The following MACROD2 variants were observed in gnomAD, a reference collection of about 807,000 sequenced individuals.
MACROD2 encodes the protein mono-ADP ribosylhydrolase 2.
In MACROD2, 36 loss-of-function variants were observed where a neutral mutation model predicts 70.4. The observed-to-expected ratio is 0.51, with a 90% CI of 0.39 to 0.68. The LOEUF (loss-of-function observed/expected upper bound fraction) is 0.68, where lower values mean the gene tolerates loss of function less well. MACROD2 is among the 30% of genes least tolerant of loss of function. MACROD2 has a pLI of 0.00. For missense variants in MACROD2, 496 were observed against 538.4 expected, an observed-to-expected ratio of 0.92 and a Z score of 0.78; for synonymous variants, 172 against 178.8, an observed-to-expected ratio of 0.96 and a Z score of 0.30.
intron 5 of MACROD2, among the ~76,000 whole-genome samples, chr20:15,148,096 T>C (rs1601140300): frequency 6.6e-6 from 1 of 151,706 alleles, no homozygotes; most frequent in East Asian, 1.9e-4. Context: ...AGTGGTAAAG[T>C]GTTGGGATGG....
intron 3 of MACROD2, among the ~76,000 whole-genome samples, chr20:14,481,698 T>C (rs772090614): frequency 2.0e-5 from 3 of 152,156 alleles, no homozygotes; most frequent in Non-Finnish European, 4.4e-5. Context: ...GAACATTTGT[T>C]TGATGTTGGG....
At chr20:15,279,993 A>G (rs1484964012) in intron 6 of MACROD2, among the ~76,000 whole-genome samples, 1 of 152,236 alleles carries the variant, frequency 6.6e-6, no homozygotes, top group Non-Finnish European at 1.5e-5. Context: ...TAGCAGAGAA[A>G]AGACTCCACA....
Position 14,120,851 on chromosome 20 carries a change from G to A in MACROD2, c.271+35123G>A, listed in dbSNP as rs114919258. ...CACATGTTCTCACTCATAATGAGTT[G>A]AACAATGAGAACACATGGCCACCGA... is the stretch of plus-strand genomic sequence containing the variant. On this transcript the variant is annotated intron_variant, in intron 3 of 17. Coordinates refer to ENST00000684519, the MANE Select transcript of MACROD2 (RefSeq NM_001351661.2). Among the ~76,000 whole-genome samples, 332 of 150,172 alleles carry A rather than the reference G, an allele frequency of 2.2e-3. 4 individuals carry two copies. Among genetic ancestry groups the A allele is most frequent in the African/African-American group, 7.9e-3 (322 of 40,776 alleles).
At chr20:14,247,223 C>A (rs985647549) in intron 3 of MACROD2, among the ~76,000 whole-genome samples, 1 of 152,200 alleles carries the variant, frequency 6.6e-6, no homozygotes, top group African/African-American at 2.4e-5. Context: ...CAAGGTGTGA[C>A]ATCACATACA....
At chr20:15,488,399 G>A (rs1305385088) in intron 7 of MACROD2, among the ~76,000 whole-genome samples, 3 of 152,166 alleles carry the variant, frequency 2.0e-5, no homozygotes, top group African/African-American at 7.2e-5. Context: ...CTTTGAGCCC[G>A]AAGGTGGAAA....
intron 3 of MACROD2, among the ~76,000 whole-genome samples, chr20:14,371,149 T>C (rs1414160592): frequency 1.3e-5 from 2 of 152,188 alleles, no homozygotes; most frequent in Non-Finnish European, 2.9e-5. Context: ...ATACTTAAAA[T>C]AGAAAAATTT....
chr20:14,057,376 A>G (rs1049018271), intron 2 of MACROD2, among the ~76,000 whole-genome samples: 1 of 152,216 alleles, frequency 6.6e-6, no homozygotes, highest in Non-Finnish European at 1.5e-5. Flanking sequence ...TATCTGACAG[A>G]TGGCTTATAT....
chr20:14,159,437 CTTTCACT>C (rs201974641), intron 3 of MACROD2, among the ~76,000 whole-genome samples: 3,555 of 152,052 alleles, frequency 0.023, 41 homozygotes, highest in African/African-American at 0.029. Context: ...TTACAGAGAT[CTTTCACT>C]TTCTTGGTTA....
chr20:14,570,085 A>G (rs533120615), intron 4 of MACROD2, among the ~76,000 whole-genome samples: 11 of 152,216 alleles, frequency 7.2e-5, no homozygotes, highest in African/African-American at 2.6e-4. Flanking sequence ...GCATAGCTGC[A>G]CTTAGTAATA....
intron 5 of MACROD2, among the ~76,000 whole-genome samples, chr20:14,980,648 T>C (rs1568910196): frequency 6.6e-6 from 1 of 152,196 alleles, no homozygotes; most frequent in Non-Finnish European, 1.5e-5. Flanking sequence ...TAAGCTCTCA[T>C]GGTGTTTTGC....
chr20:14,366,203 G>A (rs2083270352), intron 3 of MACROD2, among the ~76,000 whole-genome samples: 1 of 152,026 alleles, frequency 6.6e-6, no homozygotes, highest in Admixed American at 6.6e-5. Flanking sequence ...GTGCATGGAT[G>A]TCTTCCACGA....
intron 8 of MACROD2, among the ~76,000 whole-genome samples, chr20:15,824,847 G>T (rs1429072538): frequency 6.6e-6 from 1 of 152,124 alleles, no homozygotes; most frequent in East Asian, 1.9e-4. Flanking sequence ...AACCATGCCT[G>T]GAATAGACGC....
At chr20:15,281,648 C>T (rs907011974) in intron 6 of MACROD2, among the ~76,000 whole-genome samples, 2 of 152,216 alleles carry the variant, frequency 1.3e-5, no homozygotes, top group Non-Finnish European at 2.9e-5. Context: ...TGGGCAGCTA[C>T]AGCCCTATGC....
At chr20:14,549,240 A>AT (rs1356855445) in intron 4 of MACROD2, among the ~76,000 whole-genome samples, 1 of 152,138 alleles carries the variant, frequency 6.6e-6, no homozygotes, top group Non-Finnish European at 1.5e-5. Context: ...TAGAATCTAT[A>AT]TTTGGGGGGA....
chr20:15,595,369 T>A (rs772283882), intron 8 of MACROD2, among the ~76,000 whole-genome samples: 14 of 152,220 alleles, frequency 9.2e-5, no homozygotes, highest in Non-Finnish European at 1.9e-4. Flanking sequence ...GAATAAACTT[T>A]ATGGAAAGTA....
chr20:15,830,141 C>A (rs2064039043), intron 8 of MACROD2, among the ~76,000 whole-genome samples: 1 of 152,118 alleles, frequency 6.6e-6, no homozygotes. Context: ...GGACCCATTG[C>A]CACAGTGGAC....
intron 8 of MACROD2, among the ~76,000 whole-genome samples, chr20:15,543,648 G>A (rs544514156): frequency 6.6e-6 from 1 of 152,208 alleles, no homozygotes; most frequent in African/African-American, 2.4e-5. Flanking sequence ...TTCAAGCAGT[G>A]GCTTAAAACA....
chr20:14,569,627 A>C (rs1053073146), intron 4 of MACROD2, among the ~76,000 whole-genome samples: 2 of 151,832 alleles, frequency 1.3e-5, no homozygotes, highest in Non-Finnish European at 2.9e-5. Flanking sequence ...GTGAGTGTTG[A>C]TAATGACTGT....
At chr20:14,549,650 T>G (rs1168060063) in intron 4 of MACROD2, among the ~76,000 whole-genome samples, 1 of 152,112 alleles carries the variant, frequency 6.6e-6, no homozygotes, top group Non-Finnish European at 1.5e-5. Flanking sequence ...CTCTGCCCAA[T>G]CCATGATAAG....
Sources: allele counts gnomAD v4.1 joint callset (sites outside exome capture counted in the v4.1 genomes callset), GRCh38; gene constraint gnomAD v4.1.1; transcripts MANE v1.5; gene names NCBI Gene and HGNC (gene_info 2026-07-23, HGNC 2026-07-21).